CPA6: variants seen among roughly 807,000 people sequenced by gnomAD.
The protein encoded by CPA6 is carboxypeptidase B.
Under a neutral mutation model 63.3 loss-of-function variants are expected in CPA6, and 58 were observed. That is an observed-to-expected ratio of 0.92 (90% CI 0.74 to 1.14). The LOEUF is 1.14. Among genes scored for constraint, CPA6 ranks in the 50% most tolerant of loss-of-function variants. CPA6 has a pLI of 0.00. For missense variants in CPA6, 565 were observed against 526.6 expected (o/e 1.07, Z -0.71); for synonymous variants, 185 against 179.0 (o/e 1.03, Z -0.27).
In CPA6 at chr8:67,430,355, T is replaced by C. The variant is rs186568175; in HGVS notation, c.1042-2224A>G. Among the ~76,000 whole-genome samples the C allele has an allele frequency of 1.6e-3, 237 of 152,074 alleles. 2 individuals are homozygous for C. The highest frequency in any genetic ancestry group is 5.1e-3 in the African/African-American group (211 of 41,500). On this transcript the variant is annotated intron_variant, in intron 9 of 10. Coordinates refer to ENST00000297770, the MANE Select transcript of CPA6 (RefSeq NM_020361.5). ...CGACCACGCCTGGCTAATTTTTGTA[T>C]TTTTAGTAGAGATGGGGTTTCACCA...
intron 2 of CPA6, among the ~76,000 whole-genome samples, chr8:67,520,790 G>A (rs565334611): frequency 2.0e-5 from 3 of 152,346 alleles, no homozygotes; most frequent in East Asian, 3.9e-4. Flanking sequence ...TAACAGCAGT[G>A]TCCGTAATTT....
chr8:67,650,361 T>C (rs1036645080), intron 1 of CPA6, among the ~76,000 whole-genome samples: 5 of 152,178 alleles, frequency 3.3e-5, no homozygotes, highest in African/African-American at 7.2e-5. Context: ...ATCAGGACTC[T>C]AGCTCATTCT....
chr8:67,468,021 G>A (rs1254231658), intron 8 of CPA6, among the ~76,000 whole-genome samples: 1 of 151,502 alleles, frequency 6.6e-6, no homozygotes, highest in Non-Finnish European at 1.5e-5. Flanking sequence ...TCATGCCACT[G>A]CACTCCAGCC....
intron 1 of CPA6, among the ~76,000 whole-genome samples, chr8:67,712,622 G>A (rs1030415406): frequency 6.6e-6 from 1 of 152,062 alleles, no homozygotes; most frequent in East Asian, 1.9e-4. Flanking sequence ...CCACATGTGG[G>A]GACAGAGATT....
rs114880731 is a variant in CPA6, at chr8:67,472,587, A to G, written c.838+11181T>C. ...ACTACAGGCATACGTCACCATGCCC[A>G]ACTAATTTTTGTATTTTTTTGGTAC... On this transcript the variant is annotated intron_variant, in intron 8 of 10. Transcript: ENST00000297770. Among the ~76,000 whole-genome samples, 1,213 of 151,948 alleles carry G rather than the reference A, an allele frequency of 8.0e-3. 15 individuals carry two copies. Among genetic ancestry groups the G allele is most frequent in the African/African-American group, 0.028 (1,154 of 41,430 alleles).
chr8:67,681,930 A>G (rs1391779542), intron 1 of CPA6, among the ~76,000 whole-genome samples: 4 of 152,202 alleles, frequency 2.6e-5, no homozygotes, highest in Non-Finnish European at 5.9e-5. Flanking sequence ...ATTTCTTAAA[A>G]AAAAAGAAAA....
chr8:67,608,640 G>A (rs891860049), intron 2 of CPA6, among the ~76,000 whole-genome samples: 4 of 152,294 alleles, frequency 2.6e-5, no homozygotes, highest in Admixed American at 2.6e-4. Context: ...ACTCTCCACT[G>A]AGTTGGTTAA....
chr8:67,428,147 G>A lies in CPA6; in HGVS notation c.1042-16C>T. ...CTGCAGATTCCTATGAGGGAAAATG[G>A]GGAAATTTTATATATTGTTGCATTG... On this transcript the variant is annotated splice_polypyrimidine_tract_variant and intron_variant, in intron 9 of 10. Transcript: ENST00000297770. 1 of 1,541,676 alleles carries A rather than the reference G, an allele frequency of 6.5e-7. No homozygotes were observed. The highest frequency in any genetic ancestry group is 1.1e-5 in the South Asian group (1 of 89,114).
chr8:67,464,941 G>C (rs1397477989), intron 8 of CPA6, among the ~76,000 whole-genome samples: 1 of 152,186 alleles, frequency 6.6e-6, no homozygotes, highest in Admixed American at 6.5e-5. Context: ...GTCAGGTAAT[G>C]TGAAGGCTCC....
chr8:67,471,973 A>G (rs1464329923), intron 8 of CPA6, among the ~76,000 whole-genome samples: 1 of 152,246 alleles, frequency 6.6e-6, no homozygotes. Context: ...AATAAAAAAT[A>G]GCATGACTTC....
chr8:67,561,799 T>TGG (rs1379654880), intron 2 of CPA6, among the ~76,000 whole-genome samples: 1 of 152,222 alleles, frequency 6.6e-6, no homozygotes, highest in Non-Finnish European at 1.5e-5. Context: ...TTCAGCATGA[T>TGG]GGGGCATCTT....
At chr8:67,601,184 CAATG>C (rs1814488952) in intron 2 of CPA6, among the ~76,000 whole-genome samples, 1 of 152,174 alleles carries the variant, frequency 6.6e-6, no homozygotes, top group Non-Finnish European at 1.5e-5. Flanking sequence ...CTGGCACATG[CAATG>C]TACATTTAAA....
At chr8:67,435,917 CAGGGCCCCCTT>C (rs1810141505) in intron 8 of CPA6, among the ~76,000 whole-genome samples, 1 of 151,628 alleles carries the variant, frequency 6.6e-6, no homozygotes, top group Non-Finnish European at 1.5e-5. Context: ...CACATGGTCT[CAGGGCCCCCTT>C]AGGGCCCCCT....
chr8:67,695,213 C>A (rs748994047), intron 1 of CPA6, among the ~76,000 whole-genome samples: 2 of 152,126 alleles, frequency 1.3e-5, no homozygotes, highest in Non-Finnish European at 2.9e-5. Flanking sequence ...AGCTCATGAA[C>A]AAAATGGGCC....
At chr8:67,733,215 A>AT (rs1817745822) in intron 1 of CPA6, among the ~76,000 whole-genome samples, 1 of 131,118 alleles carries the variant, frequency 7.6e-6, no homozygotes, top group African/African-American at 2.6e-5. Flanking sequence ...AAAAAAAAAA[A>AT]AAAAAAAAAT....
chr8:67,738,940 CAA>C (rs35191548), intron 1 of CPA6, among the ~76,000 whole-genome samples: 1 of 151,808 alleles, frequency 6.6e-6, no homozygotes, highest in African/African-American at 2.4e-5. Context: ...TTTACAAAGA[CAA>C]AAAAAATAAT....
intron 2 of CPA6, among the ~76,000 whole-genome samples, chr8:67,583,608 C>A (rs1813835403): frequency 6.6e-6 from 1 of 152,050 alleles, no homozygotes; most frequent in African/African-American, 2.4e-5. Flanking sequence ...AGTGAGAAAC[C>A]TAAGATGGTC....
chr8:67,635,489 T>C (rs761592272), intron 1 of CPA6, among the ~76,000 whole-genome samples: 2 of 151,698 alleles, frequency 1.3e-5, no homozygotes, highest in Admixed American at 6.6e-5. Flanking sequence ...AAAAAGGGGC[T>C]GGGCATGGTG....
chr8:67,692,807 T>G (rs991131131), intron 1 of CPA6, among the ~76,000 whole-genome samples: 1 of 152,196 alleles, frequency 6.6e-6, no homozygotes, highest in African/African-American at 2.4e-5. Flanking sequence ...TCGCTTCAAA[T>G]TGGGGCACAG....
Sources: gnomAD v4.1 joint callset for allele counts (sites outside exome capture counted in the v4.1 genomes callset) on GRCh38, gnomAD v4.1.1 for gene constraint, MANE v1.5 for transcripts, NCBI Gene and HGNC (gene_info 2026-07-23, HGNC 2026-07-21) for gene names.